OTUD4: variants seen among roughly 807,000 people sequenced by gnomAD.
OTUD4 encodes OTU domain-containing protein 4.
Under a neutral mutation model 130.4 loss-of-function variants are expected in OTUD4, and 24 were observed. That is an observed-to-expected ratio of 0.18 (90% confidence interval 0.13 to 0.26). OTUD4 has a LOEUF of 0.26. OTUD4 is among the 10% of genes least tolerant of loss of function. OTUD4 has a pLI of 1.00. For missense variants in OTUD4, 1,031 were observed against 1,329.4 expected (o/e 0.78, Z 3.49); for synonymous variants, 420 against 472.5 (o/e 0.89, Z 1.44).
intron 6 of OTUD4, among the ~76,000 whole-genome samples, chr4:145,161,928 A>T (rs991093459): frequency 1.3e-5 from 2 of 152,100 alleles, no homozygotes; most frequent in African/African-American, 4.8e-5. Context: ...TACAAGTCAA[A>T]CTCTAGCCAC....
chr4:145,179,189 TTC>T (rs1752571671), intron 1 of OTUD4, among the ~76,000 whole-genome samples: 1 of 152,196 alleles, frequency 6.6e-6, no homozygotes, highest in Admixed American at 6.5e-5. Flanking sequence ...AAAAAGTCAG[TTC>T]TGTTTAGTAT....
At chr4:145,159,764 CT>C (rs1751466623) in intron 6 of OTUD4, 129 bp from the exon 7 acceptor site, 1 of 804,390 alleles carries the variant, frequency 1.2e-6, no homozygotes, top group African/African-American at 1.7e-5. Flanking sequence ...TCTGCTAAAC[CT>C]TATGGTCAAT....
chr4:145,142,465 T>C lies in OTUD4; in HGVS notation c.1684-131A>G, dbSNP rs548976121. The C allele has an allele frequency of 1.5e-5, 11 of 734,456 alleles. No homozygotes were observed. In the South Asian group the frequency reaches 1.7e-4, roughly 11 times the overall value. 45.5% of individuals were successfully genotyped at this position (734,456 alleles called of 1,614,324 possible). ...ACAAATGAAGTACAAATAGCCCTTATAGTCTTAGAAATGTAAGAAAAACAC... is the reference window on the plus strand; with the variant it reads ...ACAAATGAAGTACAAATAGCCCTTACAGTCTTAGAAATGTAAGAAAAACAC... On this transcript the variant is annotated intron_variant, in intron 17 of 20. Coordinates refer to ENST00000447906, the MANE Select transcript of OTUD4 (RefSeq NM_001366057.1).
Position 145,137,340 on chromosome 4 carries a change from C to T in OTUD4, c.*90G>A, listed in dbSNP as rs560869943. The T allele has an allele frequency of 1.4e-5, 15 of 1,089,990 alleles. No homozygotes were observed. The South Asian group carries it at 2.3e-4, about 17-fold the overall frequency. The allele number at this position is 1,089,990 out of a possible 1,614,324, so 67.5% of individuals were successfully genotyped here. ...GGCTGGGGAGAGGAAAGAGTTCCAA[C>T]TGCGGTTTTTACTTTATTGTATTTT... is the stretch of plus-strand genomic sequence containing the variant. On this transcript the variant is annotated 3_prime_UTR_variant, in exon 21 of 21. Transcript: ENST00000447906.
intron 6 of OTUD4, among the ~76,000 whole-genome samples, chr4:145,159,913 C>A (rs1386545507): frequency 6.6e-6 from 1 of 152,188 alleles, no homozygotes; most frequent in Non-Finnish European, 1.5e-5. Flanking sequence ...AACTGTGAAA[C>A]AAGTAGGACA....
At chr4:145,168,040 A>G (rs1167730382) in intron 3 of OTUD4, among the ~76,000 whole-genome samples, 1 of 152,102 alleles carries the variant, frequency 6.6e-6, no homozygotes, top group Non-Finnish European at 1.5e-5. Context: ...AAAAATCGAT[A>G]TTATACTACC....
Position 145,180,383 on chromosome 4 carries a change from C to A in OTUD4, c.-410G>T, listed in dbSNP as rs971973697. On this transcript the variant is annotated 5_prime_UTR_variant, in exon 1 of 21. Coordinates refer to ENST00000447906, the MANE Select transcript of OTUD4 (RefSeq NM_001366057.1). ...CCCCGCCCCTGGCGCGCACGCTGGG[C>A]CGGCTCAGGTGAAGCGGGGCCTGCG... Among the ~76,000 whole-genome samples the A allele has an allele frequency of 6.6e-6, 1 of 152,206 alleles. No homozygotes were observed. The highest frequency in any genetic ancestry group is 2.4e-5 in the African/African-American group (1 of 41,472).
At chr4:145,149,533 CTTTT>C (rs1294338949) in intron 13 of OTUD4, 6 of 152,182 alleles carry the variant, frequency 3.9e-5, no homozygotes, top group East Asian at 1.9e-4. Flanking sequence ...TCTTTCCTTT[CTTTT>C]TAAGACTAGC....
chr4:145,146,821 T>C lies in OTUD4; in HGVS notation c.1260-392A>G, dbSNP rs555900252. Among the ~76,000 whole-genome samples, 11 of 152,344 alleles carry C rather than the reference T, an allele frequency of 7.2e-5. No homozygotes were observed. The South Asian group carries it at 1.9e-3, about 26-fold the overall frequency. On this transcript the variant is annotated intron_variant, in intron 13 of 20. Coordinates refer to ENST00000447906, the MANE Select transcript of OTUD4 (RefSeq NM_001366057.1). Reference sequence around the variant, plus strand: ...AATTAATTCTCAAAGGGAAAGTTATTAGTTTAGGTCTCAAAAGCATTCTCA... The same window carrying C: ...AATTAATTCTCAAAGGGAAAGTTATCAGTTTAGGTCTCAAAAGCATTCTCA...
intron 19 of OTUD4, among the ~76,000 whole-genome samples, chr4:145,141,168 C>CAA (rs1200809073): frequency 1.1e-3 from 63 of 54,792 alleles, no homozygotes; most frequent in African/African-American, 3.3e-3. Context: ...GACTCCGTCT[C>CAA]AAAAAAAAAA....
At chr4:145,171,597 T>C in intron 3 of OTUD4, 73 bp downstream of exon 3, 2 of 733,522 alleles carry the variant, frequency 2.7e-6, no homozygotes, top group Non-Finnish European at 2.4e-6. Context: ...ATAGTAATCT[T>C]CTATTTTAAT....
At chr4:145,148,408 G>A (rs1030327432) in intron 13 of OTUD4, among the ~76,000 whole-genome samples, 1 of 151,954 alleles carries the variant, frequency 6.6e-6, no homozygotes, top group Admixed American at 6.6e-5. Flanking sequence ...CTGAGGCATG[G>A]GAATCGCTTG....
At chr4:145,172,062 G>A (rs1418122703) in intron 2 of OTUD4, among the ~76,000 whole-genome samples, 1 of 152,230 alleles carries the variant, frequency 6.6e-6, no homozygotes, top group Non-Finnish European at 1.5e-5. Context: ...GGAACACTGT[G>A]TTGGGAAGAC....
chr4:145,156,121 C>G (rs1751276532), intron 7 of OTUD4, 125 bp from the exon 8 acceptor site: 1 of 665,466 alleles, frequency 1.5e-6, no homozygotes, highest in Admixed American at 3.1e-5. Context: ...CCAGTGAGCT[C>G]ATACAAGTTT....
intron 7 of OTUD4, among the ~76,000 whole-genome samples, chr4:145,158,619 G>A (rs567929945): frequency 1.0e-3 from 155 of 152,152 alleles, no homozygotes; most frequent in African/African-American, 3.4e-3. Flanking sequence ...TAGTGTCACA[G>A]AGTGTAACAT....
chr4:145,165,269 T>A, intron 3 of OTUD4, 72 bp from the exon 4 acceptor site: 2 of 889,496 alleles, frequency 2.2e-6, no homozygotes, highest in Non-Finnish European at 3.7e-6. Context: ...TTTCTATACA[T>A]ACCTTCATAC....
Position 145,166,571 on chromosome 4 carries a change from G to A in OTUD4, c.295-1374C>T, listed in dbSNP as rs555110132. Among the ~76,000 whole-genome samples the A allele has an allele frequency of 5.3e-5, 8 of 152,202 alleles. No individual in the cohort carries two copies. The South Asian group carries it at 1.7e-3, about 32-fold the overall frequency. On this transcript the variant is annotated intron_variant, in intron 3 of 20. Coordinates refer to ENST00000447906, the MANE Select transcript of OTUD4 (RefSeq NM_001366057.1). Reference sequence around the variant, plus strand: ...TAATTCATGTTTCAGGCAGGATGTGGTGGCTCACGCCTGTAATCCCAACAC... The same window carrying A: ...TAATTCATGTTTCAGGCAGGATGTGATGGCTCACGCCTGTAATCCCAACAC...
At chr4:145,167,266 G>A (rs745975785) in intron 3 of OTUD4, among the ~76,000 whole-genome samples, 73 of 152,286 alleles carry the variant, frequency 4.8e-4, no homozygotes, top group Middle Eastern at 6.8e-3. Context: ...AAGAAAAACT[G>A]AAATAAGGAA....
intron 11 of OTUD4, among the ~76,000 whole-genome samples, chr4:145,152,111 C>T (rs988494930): frequency 2.6e-5 from 4 of 152,096 alleles, no homozygotes; most frequent in African/African-American, 4.8e-5. Flanking sequence ...TTCTAGAGGT[C>T]GGAACAAATA....
Sources: allele counts gnomAD v4.1 joint callset (sites outside exome capture counted in the v4.1 genomes callset), GRCh38; gene constraint gnomAD v4.1.1; transcripts MANE v1.5; gene names NCBI Gene and HGNC (gene_info 2026-07-23, HGNC 2026-07-21).